The following MTCH1 variants were observed in gnomAD, a reference collection of about 807,000 sequenced individuals.
The protein encoded by MTCH1 is mitochondrial carrier homolog 1.
A neutral mutation model predicts 49.3 loss-of-function variants in MTCH1; 23 were observed. That is an observed-to-expected ratio of 0.47 (90% CI 0.34 to 0.66). The LOEUF (loss-of-function observed/expected upper bound fraction) is 0.66. Ranked by LOEUF, MTCH1 falls within the 30% of genes least tolerant of loss-of-function variation. The probability of loss-of-function intolerance (pLI) is 0.01; values close to 1 mark genes in which losing one functional copy is unlikely to be tolerated. For synonymous variants in MTCH1, 229 were observed against 215.2 expected (o/e 1.06, Z -0.56); for missense variants, 397 against 532.1 (o/e 0.75, Z 2.50).
chr6:36,977,593 G>A lies in MTCH1; in HGVS notation c.649+41C>T, dbSNP rs777051059. The A allele has an allele frequency of 2.0e-5, 29 of 1,472,868 alleles. No individual in the cohort carries two copies. In the East Asian group the frequency reaches 3.0e-4, roughly 15 times the overall value. 91.2% of individuals were successfully genotyped at this position (1,472,868 alleles called of 1,614,324 possible). ...GCGCCCCTCACCCCACGCCCCCGACGCCAGCTTAGATACAGTCTCGGGGGA... is the reference window on the plus strand; with the variant it reads ...GCGCCCCTCACCCCACGCCCCCGACACCAGCTTAGATACAGTCTCGGGGGA... On this transcript the variant is annotated intron_variant, in intron 5 of 11. Transcript: ENST00000373627. The surrounding 1 kb of genome is among the most constrained non-coding windows in gnomAD (Gnocchi z 5.4).
Position 36,985,838 on chromosome 6 carries a change from C to T in MTCH1, c.321+15G>A. The T allele has an allele frequency of 6.4e-7, 1 of 1,552,154 alleles. No individual in the cohort carries two copies. Among genetic ancestry groups the T allele is most frequent in the Non-Finnish European group, 8.7e-7 (1 of 1,147,846 alleles). On this transcript the variant is annotated intron_variant, in intron 1 of 11. Transcript: ENST00000373627. Reference sequence around the variant, plus strand: ...ATCAGCCTCCCATCTCCCTACGGCGCCTCTGGTCCCCCACCTGGATGAGCA... The same window carrying T: ...ATCAGCCTCCCATCTCCCTACGGCGTCTCTGGTCCCCCACCTGGATGAGCA...
chr6:36,986,436 C>A, upstream of MTCH1: 1 of 324,564 alleles, frequency 3.1e-6, no homozygotes. Context: ...CGGGGCGCTC[C>A]CCCGGGATGC....
chr6:36,978,874 CCTTT>C (rs1335600545), intron 2 of MTCH1, among the ~76,000 whole-genome samples: 5 of 121,274 alleles, frequency 4.1e-5, no homozygotes, highest in South Asian at 5.4e-4. Context: ...CTCCCTCCCT[CCTTT>C]TTTTTTTTTT....
intron 9 of MTCH1, 86 bp from the exon 10 acceptor site, chr6:36,970,559 C>T (rs1763647979): frequency 6.2e-6 from 10 of 1,607,942 alleles, no homozygotes; most frequent in Non-Finnish European, 8.5e-6. Flanking sequence ...GTACCAAGAC[C>T]TGCCTCCAGC....
At chr6:36,971,064 G>A (rs1056438433) in intron 8 of MTCH1, 1 of 328,518 alleles carries the variant, frequency 3.0e-6, no homozygotes, top group Non-Finnish European at 5.9e-6. Flanking sequence ...GGCCTGTGGG[G>A]TGAGGTGAGG....
At chr6:36,975,759 C>A in intron 6 of MTCH1, 42 bp from the exon 7 acceptor site, 1 of 1,594,006 alleles carries the variant, frequency 6.3e-7, no homozygotes, top group Non-Finnish European at 8.6e-7. Context: ...CATGCAGTCA[C>A]CTACCAGAAG....
In MTCH1 at chr6:36,977,289, G is replaced by A. The variant is rs780930565; in HGVS notation, c.650-39C>T. On this transcript the variant is annotated intron_variant, in intron 5 of 11. Transcript: ENST00000373627. The surrounding 1 kb of genome is among the most constrained non-coding windows in gnomAD (Gnocchi z 5.4). ...AGAAAACACACACAGGTGATGTGGTGGGCCACACTTCATAATGCTCCAGCC... is the reference window on the plus strand; with the variant it reads ...AGAAAACACACACAGGTGATGTGGTAGGCCACACTTCATAATGCTCCAGCC... The A allele has an allele frequency of 2.5e-6, 4 of 1,607,388 alleles. No homozygotes were observed. The highest frequency in any genetic ancestry group is 2.7e-5 in the African/African-American group (2 of 74,900).
chr6:36,978,844 A>G (rs1375719758), intron 2 of MTCH1, among the ~76,000 whole-genome samples: 3 of 117,578 alleles, frequency 2.6e-5, no homozygotes, highest in African/African-American at 9.9e-5. Context: ...ACAAGTTCAT[A>G]TATTTTCTTC....
At chr6:36,981,747 CTT>C in intron 1 of MTCH1, 75 bp from the exon 2 acceptor site, 3 of 1,260,888 alleles carry the variant, frequency 2.4e-6, no homozygotes, top group South Asian at 2.9e-5. Flanking sequence ...CCTCACACCT[CTT>C]GCCCCCTTTG....
Position 36,978,580 on chromosome 6 carries a change from T to C in MTCH1, c.438A>G (p.Ile146Met), listed in dbSNP as rs750479815. 1 of 1,614,120 alleles carries C rather than the reference T, an allele frequency of 6.2e-7. No homozygotes were observed. Among genetic ancestry groups the C allele is most frequent in the South Asian group, 1.1e-5 (1 of 91,084 alleles). The change falls in exon 3 of 12, where the codon ATA (isoleucine) becomes ATG (methionine). Residue 146 changes from isoleucine to methionine, a missense_variant. Ile to Met is a conservative substitution (Grantham distance 10, BLOSUM62 1). This residue lies in a region of MTCH1 where 252 missense variants were observed against 388.3 expected (regional missense o/e 0.65). Transcript: ENST00000373627. ...GGGGACTCAGGCCTCGGAACAGCCCTATCTTACCATCCACTTGCACGATGT... is the reference window on the plus strand; with the variant it reads ...GGGGACTCAGGCCTCGGAACAGCCCCATCTTACCATCCACTTGCACGATGT... ...AKYIVQVDGK[I>M]GLFRGLSPRL...
At position 36,972,725 on chromosome 6, in the gene MTCH1, T is replaced by C. The variant is rs775547171; in HGVS notation, c.833A>G (p.Asn278Ser). Reference protein sequence around the residue: ...WGCNLLAHFINAYLVDDSVSD... With the variant: ...WGCNLLAHFISAYLVDDSVSD... ...CACGCTGTCATCCACCAGGTAGGCA[T>C]TGATGAAGTGGGCCAGCAGGTTACA... is the stretch of plus-strand genomic sequence containing the variant. The change falls in exon 8 of 12, where the codon AAT becomes AGT. Residue 278 changes from asparagine to serine, a missense_variant. Coordinates refer to ENST00000373627, the MANE Select transcript of MTCH1 (RefSeq NM_001271641.2). The surrounding 1 kb of genome is among the most constrained non-coding windows in gnomAD (Gnocchi z 4.1). The C allele has an allele frequency of 2.1e-5, 33 of 1,553,058 alleles. No individual in the cohort carries two copies. In the South Asian group the frequency reaches 3.2e-4, roughly 15 times the overall value.
At chr6:36,979,094 C>T (rs1247346791) in intron 2 of MTCH1, among the ~76,000 whole-genome samples, 1 of 152,100 alleles carries the variant, frequency 6.6e-6, no homozygotes, top group Non-Finnish European at 1.5e-5. Context: ...AAAGAAAGGG[C>T]TCCCAGAAGA....
rs929382553 is a variant in MTCH1 at position 36,972,052 on chromosome 6, G to A, written c.906+600C>T. ...AGCTAACAAAATAGGAGGGTGTATC[G>A]GACTGTACACTTCCTAGCAGATCTG... is the stretch of plus-strand genomic sequence containing the variant. On this transcript the variant is annotated intron_variant, in intron 8 of 11. Transcript: ENST00000373627. This position sits in a 1 kb window ranked among gnomAD's most constrained non-coding sequence, Gnocchi z 4.1. 6.6e-6 allele frequency among the ~76,000 whole-genome samples: 1 copy of A among 152,054 alleles called. No individual in the cohort carries two copies. The highest frequency in any genetic ancestry group is 2.4e-5 in the African/African-American group (1 of 41,390).
In MTCH1 at chr6:36,981,730, C is replaced by T; in HGVS notation, c.322-58G>A. ...GAGTCTCGTGGTGATTCAGCCTCAC[C>T]ACCTCTCCTCACACCTCTTGCCCCC... On this transcript the variant is annotated intron_variant, in intron 1 of 11. Coordinates refer to ENST00000373627, the MANE Select transcript of MTCH1 (RefSeq NM_001271641.2). The T allele has an allele frequency of 2.9e-6, 4 of 1,402,194 alleles. No homozygotes were observed. In the South Asian group the frequency reaches 3.8e-5, roughly 13 times the overall value. 86.9% of individuals were successfully genotyped at this position (1,402,194 alleles called of 1,614,324 possible).
chr6:36,981,971 G>A (rs1160628309), intron 1 of MTCH1, among the ~76,000 whole-genome samples: 1 of 152,126 alleles, frequency 6.6e-6, no homozygotes, highest in Admixed American at 6.5e-5. Context: ...TCCCAGTAGA[G>A]AAACCTCCAT....
Position 36,986,191 on chromosome 6 carries a change from T to A in MTCH1, c.-18A>T. 7.1e-7 allele frequency: 1 copy of A among 1,416,260 alleles called. No homozygotes were observed. The highest frequency in any genetic ancestry group is 9.1e-7 in the Non-Finnish European group (1 of 1,093,968). 87.7% of individuals were successfully genotyped at this position (1,416,260 alleles called of 1,614,324 possible). A position where few individuals can be genotyped will look rare whatever the true frequency, so the allele number is the denominator to read the frequency against. On this transcript the variant is annotated 5_prime_UTR_variant, in exon 1 of 12. Transcript: ENST00000373627. ...GCTCCCATGGCGCCCGGCGGCGAGG[T>A]CACTCCCCGTCACGTGACGGGGCCA...
At position 36,977,645 on chromosome 6, in the gene MTCH1, T is replaced by G; in HGVS notation, c.638A>C (p.His213Pro). 2 of 1,606,850 alleles carry G rather than the reference T, an allele frequency of 1.2e-6. No homozygotes were observed. Among genetic ancestry groups the G allele is most frequent in the African/African-American group, 2.7e-5 (2 of 74,114 alleles). Residue 213 changes from histidine to proline, a missense_variant, in exon 5 of 12, where the codon CAC (histidine) becomes CCC (proline). By Grantham distance (77) the His-to-Pro change is moderately conservative. This residue lies in a region of MTCH1 where 252 missense variants were observed against 388.3 expected (regional missense o/e 0.65). Transcript: ENST00000373627. The surrounding 1 kb of genome is among the most constrained non-coding windows in gnomAD (Gnocchi z 5.4). ...MMQCVSRMLA[H>P]PLHVISMRCM... Reference sequence around the variant, plus strand: ...GGGGGGTGGCTTACCATGCAGGGGGTGGGCCAACATGCGGGACACACACTG... The same window carrying G: ...GGGGGGTGGCTTACCATGCAGGGGGGGGGCCAACATGCGGGACACACACTG...
In MTCH1 at chr6:36,972,614, G is replaced by A. The variant is rs1465206930; in HGVS notation, c.906+38C>T. ...TTGTCCCAGACCCTGGGCATCAGCA[G>A]CACACGGAAAGAAGGACAAGTCCTT... On this transcript the variant is annotated intron_variant, in intron 8 of 11. Coordinates refer to ENST00000373627, the MANE Select transcript of MTCH1 (RefSeq NM_001271641.2). This position sits in a 1 kb window ranked among gnomAD's most constrained non-coding sequence, Gnocchi z 4.1. 6.5e-7 allele frequency: 1 copy of A among 1,533,844 alleles called. No homozygotes were observed. The highest frequency in any genetic ancestry group is 2.5e-5 in the East Asian group (1 of 40,436).
chr6:36,977,810 C>A lies in MTCH1; in HGVS notation c.592-119G>T. 3 of 951,116 alleles carry A rather than the reference C, an allele frequency of 3.2e-6. No individual in the cohort carries two copies. Among genetic ancestry groups the A allele is most frequent in the South Asian group, 3.2e-5 (2 of 61,960 alleles). 58.9% of individuals were successfully genotyped at this position (951,116 alleles called of 1,614,324 possible). A position where few individuals can be genotyped will look rare whatever the true frequency, so the allele number is the denominator to read the frequency against. On this transcript the variant is annotated intron_variant, in intron 4 of 11. Coordinates refer to ENST00000373627, the MANE Select transcript of MTCH1 (RefSeq NM_001271641.2). The surrounding 1 kb of genome is among the most constrained non-coding windows in gnomAD (Gnocchi z 5.4). Reference sequence around the variant, plus strand: ...CTGTCCCAGGGACTGCACATGGGGTCGGTCTGCCAAGGATGGCTCCACCTG... The same window carrying A: ...CTGTCCCAGGGACTGCACATGGGGTAGGTCTGCCAAGGATGGCTCCACCTG...
Sources: gnomAD v4.1 joint callset for allele counts (sites outside exome capture counted in the v4.1 genomes callset) on GRCh38, gnomAD v4.1.1 for gene constraint, gnomAD v4.1.1 regional missense constraint, Gnocchi (gnomAD v3.1) non-coding constraint, MANE v1.5 for transcripts, NCBI Gene and HGNC (gene_info 2026-07-23, HGNC 2026-07-21) for gene names.